TIMP2: variants seen among roughly 807,000 people sequenced by gnomAD.
TIMP2 encodes the protein metalloproteinase inhibitor 2.
A neutral mutation model predicts 24.3 loss-of-function variants in TIMP2; 5 were observed. That is an observed-to-expected ratio of 0.21 (90% CI 0.11 to 0.43). The LOEUF is 0.43. TIMP2 is among the 20% of genes least tolerant of loss of function. The probability of loss-of-function intolerance (pLI) is 1.00; values close to 1 mark genes in which losing one functional copy is unlikely to be tolerated. For synonymous variants in TIMP2, 130 were observed against 123.2 expected (o/e 1.06, Z -0.37); for missense variants, 221 against 297.5 (o/e 0.74, Z 1.89).
chr17:78,896,237 T>G lies in TIMP2; in HGVS notation c.131-22318A>C, dbSNP rs892303576. Among the ~76,000 whole-genome samples, 1 of 152,198 alleles carries G rather than the reference T, an allele frequency of 6.6e-6. No homozygotes were observed. Among genetic ancestry groups the G allele is most frequent in the Non-Finnish European group, 1.5e-5 (1 of 68,042 alleles). ...GAGGGCAGGGTCTCACGTGGACTTG[T>G]GCAGGCACTGGCAGGGAAAGCAACA... On this transcript the variant is annotated intron_variant, in intron 1 of 4. Coordinates refer to ENST00000262768, the MANE Select transcript of TIMP2 (RefSeq NM_003255.5). This position sits in a 1 kb window ranked among gnomAD's most constrained non-coding sequence, Gnocchi z 4.4.
At chr17:78,897,699 C>G (rs948075703) in intron 1 of TIMP2, 4 of 152,264 alleles carry the variant, frequency 2.6e-5, no homozygotes, top group African/African-American at 9.7e-5. Context: ...AATGGCAGGA[C>G]CCAGAGTGCC....
intron 1 of TIMP2, among the ~76,000 whole-genome samples, chr17:78,913,321 A>T (rs2070225318): frequency 2.0e-5 from 3 of 152,342 alleles, no homozygotes; most frequent in Admixed American, 2.0e-4. Context: ...AAAATTAGAG[A>T]TGATGGCTGT....
At chr17:78,866,000 G>T (rs371750424) in intron 3 of TIMP2, among the ~76,000 whole-genome samples, 1 of 145,748 alleles carries the variant, frequency 6.9e-6, no homozygotes, top group South Asian at 2.3e-4. Flanking sequence ...GTTCCCTGTG[G>T]ATAGGAACAA....
intron 1 of TIMP2, among the ~76,000 whole-genome samples, chr17:78,912,459 T>G (rs2070217574): frequency 6.6e-6 from 1 of 152,100 alleles, no homozygotes; most frequent in South Asian, 2.1e-4. Context: ...GAAGATGCAG[T>G]AAGGGGGTCT....
chr17:78,921,771 C>G (rs767146464), intron 1 of TIMP2, among the ~76,000 whole-genome samples: 6 of 152,226 alleles, frequency 3.9e-5, no homozygotes, highest in Non-Finnish European at 7.3e-5. Flanking sequence ...CTTACCATCC[C>G]TTATCCTAAA....
intron 3 of TIMP2, among the ~76,000 whole-genome samples, chr17:78,860,486 C>A (rs1401026895): frequency 6.6e-6 from 1 of 152,220 alleles, no homozygotes; most frequent in African/African-American, 2.4e-5. Context: ...ATGTGGATGG[C>A]TTGCCTGGGG....
At chr17:78,901,932 G>A (rs890809952) in intron 1 of TIMP2, 1 of 613,284 alleles carries the variant, frequency 1.6e-6, no homozygotes. Context: ...CATCACTGGA[G>A]GCATCCGAAC....
In TIMP2 at chr17:78,923,395, G is replaced by A. The variant is rs1392001815; in HGVS notation, c.130+1564C>T. On this transcript the variant is annotated intron_variant, in intron 1 of 4. Coordinates refer to ENST00000262768, the MANE Select transcript of TIMP2 (RefSeq NM_003255.5). ...CTGAGGAGTGTGTGTGTGGGGCGGG[G>A]TGGGGGGGGGGGCGGGAGGGGGAGG... 2.7e-4 allele frequency among the ~76,000 whole-genome samples: 24 copies of A among 89,098 alleles called. 1 individual carries two copies. The highest frequency in any genetic ancestry group is 8.1e-4 in the African/African-American group (23 of 28,294). The allele number at this position is 89,098 out of a possible 152,430, so 58.5% of individuals were successfully genotyped here. A position where few individuals can be genotyped will look rare whatever the true frequency, so the allele number is the denominator to read the frequency against.
chr17:78,859,922 G>A (rs181776416), intron 3 of TIMP2, among the ~76,000 whole-genome samples: 1 of 152,280 alleles, frequency 6.6e-6, no homozygotes, highest in Admixed American at 6.5e-5. Context: ...AACCCAGTGG[G>A]CAGAGGTTAC....
At position 78,855,757 on chromosome 17, in the gene TIMP2, G is replaced by A. The variant is rs757174816; in HGVS notation, c.573C>T (p.Phe191=). The part of the protein sequence containing the change: ...KNINGHQAKF[F]ACIKRSDGSC... ...AGCCGTCACTTCTCTTGATGCAGGC[G>A]AAGAACTTGGCCTGGTGCCCGTTGA... is the stretch of plus-strand genomic sequence containing the variant. Residue 191 remains phenylalanine (F), a synonymous_variant, in exon 5 of 5, where the codon TTC becomes TTT. Transcript: ENST00000262768. The surrounding 1 kb of genome is among the most constrained non-coding windows in gnomAD (Gnocchi z 6.0). 6.2e-6 allele frequency: 10 copies of A among 1,614,068 alleles called. No individual in the cohort carries two copies. In the Admixed American group the frequency reaches 1.2e-4, roughly 19 times the overall value.
intron 1 of TIMP2, among the ~76,000 whole-genome samples, chr17:78,914,153 C>T (rs1355832466): frequency 6.6e-6 from 1 of 152,146 alleles, no homozygotes; most frequent in Non-Finnish European, 1.5e-5. Flanking sequence ...TGGCTGGGGC[C>T]TGCCTGACTT....
chr17:78,892,268 T>A (rs1000947818), intron 1 of TIMP2: 2 of 1,550,696 alleles, frequency 1.3e-6, no homozygotes, highest in Non-Finnish European at 1.7e-6. Context: ...CAATTTGTGC[T>A]TTTTCCTCCA....
At position 78,853,854 on chromosome 17, in the gene TIMP2, G is replaced by A. The variant is rs1249883902; in HGVS notation, c.*1813C>T. ...TATCACCATACAGGAAGCGAACAGG[G>A]GTGGGGTGTTATATGGGTTGGAGGG... On this transcript the variant is annotated 3_prime_UTR_variant, in exon 5 of 5. Coordinates refer to ENST00000262768, the MANE Select transcript of TIMP2 (RefSeq NM_003255.5). 1 of 152,502 alleles carries A rather than the reference G, an allele frequency of 6.6e-6. No homozygotes were observed. The highest frequency in any genetic ancestry group is 2.4e-5 in the African/African-American group (1 of 41,420). The allele number at this position is 152,502 out of a possible 1,614,324, so 9.4% of individuals were successfully genotyped here.
At chr17:78,870,843 AG>A (rs1291764557) in intron 3 of TIMP2, 54 bp downstream of exon 3, 1 of 1,510,330 alleles carries the variant, frequency 6.6e-7, no homozygotes, top group African/African-American at 1.4e-5. Flanking sequence ...GACCGCGTCT[AG>A]GAACAGCCCC....
At chr17:78,873,360 G>T (rs2069702082) in intron 2 of TIMP2, among the ~76,000 whole-genome samples, 1 of 147,174 alleles carries the variant, frequency 6.8e-6, no homozygotes, top group Admixed American at 6.8e-5. Context: ...CTGGAATACA[G>T]TGGTGAGATG....
At chr17:78,873,775 G>A (rs770567243) in intron 2 of TIMP2, 44 bp downstream of exon 2, 2 of 1,547,652 alleles carry the variant, frequency 1.3e-6, no homozygotes, top group Admixed American at 1.7e-5. Flanking sequence ...ACACCCCACA[G>A]CTGTGCCCAC....
intron 1 of TIMP2, among the ~76,000 whole-genome samples, chr17:78,885,488 TAC>T (rs2069817664): frequency 2.6e-5 from 4 of 152,198 alleles, no homozygotes; most frequent in African/African-American, 9.6e-5. Context: ...TCCCTTGTTT[TAC>T]AGTCAAATGA....
intron 1 of TIMP2, among the ~76,000 whole-genome samples, chr17:78,900,329 TCAC>T (rs1599168710): frequency 6.6e-6 from 1 of 152,094 alleles, no homozygotes; most frequent in East Asian, 1.9e-4. Context: ...CTGGATCACC[TCAC>T]GACAGGAGTT....
rs560414384 is a variant in TIMP2 at position 78,895,343 on chromosome 17, A to G, written c.131-21424T>C. Among the ~76,000 whole-genome samples the G allele has an allele frequency of 3.9e-5, 6 of 152,340 alleles. No individual in the cohort carries two copies. In the South Asian group the frequency reaches 1.0e-3, roughly 26 times the overall value. ...TTAAATAGATATTTCACCAAAGAACATAGATGTGTGGCTAATACAGCACAT... is the reference window on the plus strand; with the variant it reads ...TTAAATAGATATTTCACCAAAGAACGTAGATGTGTGGCTAATACAGCACAT... On this transcript the variant is annotated intron_variant, in intron 1 of 4. Coordinates refer to ENST00000262768, the MANE Select transcript of TIMP2 (RefSeq NM_003255.5).
Sources: allele counts gnomAD v4.1 joint callset (sites outside exome capture counted in the v4.1 genomes callset), GRCh38; gene constraint gnomAD v4.1.1; non-coding constraint Gnocchi (gnomAD v3.1); transcripts MANE v1.5; gene names NCBI Gene and HGNC (gene_info 2026-07-23, HGNC 2026-07-21).